PRDM2: variants seen among roughly 807,000 people sequenced by gnomAD.
The protein encoded by PRDM2 is PR domain zinc finger protein 2.
Under a neutral mutation model 130.0 loss-of-function variants are expected in PRDM2, and 30 were observed. The ratio of observed to expected loss-of-function variants is 0.23; its 90% confidence interval spans 0.17 to 0.31. The LOEUF is 0.31. PRDM2 is among the 10% of genes least tolerant of loss of function. The pLI is 1.00. For synonymous variants in PRDM2, 871 were observed against 782.4 expected (o/e 1.11, Z -1.89); for missense variants, 2,011 against 2,108.4 (o/e 0.95, Z 0.90).
At chr1:13,762,099 A>G (rs1466200265) in intron 6 of PRDM2, among the ~76,000 whole-genome samples, 1 of 152,184 alleles carries the variant, frequency 6.6e-6, no homozygotes, top group African/African-American at 2.4e-5. Context: ...ACTCCTTACA[A>G]TCGATTCCAT....
chr1:13,818,018 CA>C (rs1360096717), intron 9 of PRDM2, among the ~76,000 whole-genome samples: 2 of 152,146 alleles, frequency 1.3e-5, no homozygotes, highest in African/African-American at 4.8e-5. Flanking sequence ...AAGTGGTTGG[CA>C]CAGGACAGAT....
chr1:13,738,575 A>G lies in PRDM2; in HGVS notation c.232-3430A>G, dbSNP rs183909956. The stretch of plus-strand genomic sequence containing the variant: ...CTTCAAGGGCTCGAGAGGCCAAGCT[A>G]TTTATTTTTTAAACTTGTATTTTAG... On this transcript the variant is annotated intron_variant, in intron 4 of 9. Transcript: ENST00000311066. Among the ~76,000 whole-genome samples the G allele has an allele frequency of 1.4e-4, 21 of 152,304 alleles. No individual in the cohort carries two copies. The South Asian group carries it at 1.7e-3, about 12-fold the overall frequency.
At chr1:13,810,623 T>C (rs1048684304) in intron 8 of PRDM2, among the ~76,000 whole-genome samples, 11 of 151,916 alleles carry the variant, frequency 7.2e-5, no homozygotes, top group Admixed American at 5.2e-4. Context: ...GCCTCCCAAG[T>C]AGCTGGGACT....
intron 8 of PRDM2, among the ~76,000 whole-genome samples, chr1:13,791,895 G>A (rs1644846352): frequency 6.6e-6 from 1 of 152,160 alleles, no homozygotes; most frequent in South Asian, 2.1e-4. Flanking sequence ...TTTTAAAATA[G>A]AAATTCAGGT....
At chr1:13,782,863 C>T (rs570341345) in intron 8 of PRDM2, 32 bp downstream of exon 8, 124 of 1,604,558 alleles carry the variant, frequency 7.7e-5, no homozygotes, top group Non-Finnish European at 9.7e-5. Context: ...AGGGAAAGAC[C>T]GGGAAGGCGA....
Position 13,782,241 on chromosome 1 carries a change from C to T in PRDM2, c.4446C>T (p.Pro1482=), listed in dbSNP as rs772776463. 1 of 1,613,634 alleles carries T rather than the reference C, an allele frequency of 6.2e-7. No individual in the cohort carries two copies. Residue 1482 remains proline, a synonymous_variant, in exon 8 of 10, where the codon CCC becomes CCT. Transcript: ENST00000311066. ...CCGCCTTCAGCTGTCCCAAAAAACC[C>T]CTTTCTCCTCCCAAAAAAAAAGTTT... ...KHAAFSCPKK[P]LSPPKKKVSH... is the part of the protein sequence containing the mutation.
intron 9 of PRDM2, among the ~76,000 whole-genome samples, chr1:13,820,361 C>A (rs1449118521): frequency 6.6e-6 from 1 of 152,340 alleles, no homozygotes; most frequent in East Asian, 1.9e-4. Flanking sequence ...CTTTCACCAG[C>A]CTCTGTGGCA....
chr1:13,798,096 T>C (rs934175724), intron 8 of PRDM2, among the ~76,000 whole-genome samples: 1 of 152,106 alleles, frequency 6.6e-6, no homozygotes, highest in African/African-American at 2.4e-5. Context: ...TAAGAGGGAA[T>C]TGGGGGTTCG....
At chr1:13,708,235 C>T (rs965554781) in intron 1 of PRDM2, among the ~76,000 whole-genome samples, 1 of 151,812 alleles carries the variant, frequency 6.6e-6, no homozygotes, top group Admixed American at 6.6e-5. Context: ...GGGAAAGAAC[C>T]CTGGAATGCC....
chr1:13,757,603 A>G (rs1643988909), intron 6 of PRDM2, among the ~76,000 whole-genome samples: 2 of 152,202 alleles, frequency 1.3e-5, no homozygotes, highest in Non-Finnish European at 1.5e-5. Context: ...GACAATGAAC[A>G]TGCTTTTTAA....
chr1:13,785,246 G>A lies in PRDM2; in HGVS notation c.5036+2415G>A, dbSNP rs2495083. 2.3e-3 allele frequency among the ~76,000 whole-genome samples: 347 copies of A among 151,906 alleles called. 1 individual carries two copies. Among genetic ancestry groups the A allele is most frequent in the African/African-American group, 7.8e-3 (324 of 41,424 alleles). ...CGTGTAGGGATGATTCCTGACACAA[G>A]GAATCATCACATCTATTACATGTCG... On this transcript the variant is annotated intron_variant, in intron 8 of 9. Transcript: ENST00000311066.
intron 7 of PRDM2, among the ~76,000 whole-genome samples, chr1:13,774,968 A>AG (rs1644442719): frequency 1.0e-5 from 1 of 97,750 alleles, no homozygotes; most frequent in Admixed American, 1.2e-4. Flanking sequence ...ACTCCGTCTC[A>AG]AAAAAAAAAA....
At chr1:13,734,113 CG>C (rs756028982) in intron 4 of PRDM2, among the ~76,000 whole-genome samples, 1 of 152,040 alleles carries the variant, frequency 6.6e-6, no homozygotes. Context: ...TGACTATTAA[CG>C]GGGGGTGTCT....
intron 4 of PRDM2, among the ~76,000 whole-genome samples, chr1:13,735,073 C>CT (rs1345794154): frequency 6.6e-6 from 1 of 152,194 alleles, no homozygotes; most frequent in Non-Finnish European, 1.5e-5. Flanking sequence ...ATCAAAGCCC[C>CT]TAAGACCAGC....
chr1:13,804,751 G>A (rs546277703), intron 8 of PRDM2, among the ~76,000 whole-genome samples: 10 of 152,294 alleles, frequency 6.6e-5, no homozygotes, highest in Non-Finnish European at 8.8e-5. Context: ...CATCAGGATC[G>A]GTTTAGTATC....
chr1:13,806,089 C>T lies in PRDM2; in HGVS notation c.5037-10338C>T, dbSNP rs796743949. Among the ~76,000 whole-genome samples the T allele has an allele frequency of 1.3e-5, 2 of 152,192 alleles. No individual in the cohort carries two copies. Among genetic ancestry groups the T allele is most frequent in the African/African-American group, 4.8e-5 (2 of 41,450 alleles). On this transcript the variant is annotated intron_variant, in intron 8 of 9. Coordinates refer to ENST00000311066, the MANE Select transcript of PRDM2 (RefSeq NM_001393986.1). This position sits in a 1 kb window ranked among gnomAD's most constrained non-coding sequence, Gnocchi z 4.1. ...AAGGTTATCAGCAGCCCCCAGGATG[C>T]TCAATGCAGTGGTTGGTTTCCAGTC...
intron 4 of PRDM2, among the ~76,000 whole-genome samples, chr1:13,737,516 T>C (rs773291223): frequency 4.6e-5 from 7 of 151,772 alleles, no homozygotes; most frequent in Admixed American, 1.3e-4. Context: ...TAGGGAAGAG[T>C]AGCAGTAGGA....
chr1:13,715,399 C>G (rs555681185), intron 1 of PRDM2, 142 bp from the exon 2 acceptor site: 128 of 382,908 alleles, frequency 3.3e-4, no homozygotes, highest in Non-Finnish European at 5.7e-4. Context: ...CAAGGAAGCT[C>G]TCAGCATAGA....
chr1:13,792,664 A>T (rs1644858683), intron 8 of PRDM2, among the ~76,000 whole-genome samples: 1 of 152,220 alleles, frequency 6.6e-6, no homozygotes, highest in South Asian at 2.1e-4. Context: ...AGCCAATCTG[A>T]ATCATCAAAG....
Sources: gnomAD v4.1 joint callset for allele counts (sites outside exome capture counted in the v4.1 genomes callset) on GRCh38, gnomAD v4.1.1 for gene constraint, Gnocchi (gnomAD v3.1) non-coding constraint, MANE v1.5 for transcripts, NCBI Gene and HGNC (gene_info 2026-07-23, HGNC 2026-07-21) for gene names.